CCDC34: variants seen among roughly 807,000 people sequenced by gnomAD.
CCDC34 encodes the protein coiled-coil domain containing 34.
A neutral mutation model predicts 44.1 loss-of-function variants in CCDC34; 40 were observed. That is an observed-to-expected ratio of 0.91 (90% CI 0.70 to 1.18). CCDC34 has a LOEUF of 1.18. CCDC34 is among the 50% of genes most tolerant of loss of function. CCDC34 has a pLI of 0.00. For synonymous variants in CCDC34, 159 were observed against 158.2 expected (o/e 1.01, Z -0.04); for missense variants, 466 against 452.3 (o/e 1.03, Z -0.28).
At chr11:27,359,634 G>A (rs922343481) in intron 1 of CCDC34, among the ~76,000 whole-genome samples, 5 of 151,602 alleles carry the variant, frequency 3.3e-5, no homozygotes, top group Non-Finnish European at 7.4e-5. Flanking sequence ...GATTAGAGAC[G>A]CCCGCCACTA....
chr11:27,339,828 C>G (rs927413137), intron 5 of CCDC34, among the ~76,000 whole-genome samples: 6 of 151,956 alleles, frequency 3.9e-5, no homozygotes, highest in African/African-American at 1.2e-4. Context: ...ATTATTTTAG[C>G]AGTTAACTTC....
chr11:27,341,257 G>A (rs552478428), intron 4 of CCDC34, 135 bp downstream of exon 4: 142 of 549,398 alleles, frequency 2.6e-4, no homozygotes, highest in Non-Finnish European at 1.4e-4. Flanking sequence ...TAAACACAGC[G>A]TAACAGGATA....
rs371101936 is a variant in CCDC34, at chr11:27,346,161, A to G, written c.606+4171T>C. On this transcript the variant is annotated intron_variant, in intron 3 of 5. Coordinates refer to ENST00000328697, the MANE Select transcript of CCDC34 (RefSeq NM_030771.2). The stretch of plus-strand genomic sequence containing the variant: ...TGCTTCTTCTTGTTAGTGAAAAAAA[A>G]AATACCATTAAGAAAAATTAAATGG... Among the ~76,000 whole-genome samples, 3 of 152,230 alleles carry G rather than the reference A, an allele frequency of 2.0e-5. No homozygotes were observed. In the East Asian group the frequency reaches 5.8e-4, roughly 29 times the overall value.
Position 27,362,908 on chromosome 11 carries a change from AC to A in CCDC34, c.286del (p.Val96TrpfsTer15), listed in dbSNP as rs1862689447. The A allele has an allele frequency of 6.3e-7, 1 of 1,591,998 alleles. No individual in the cohort carries two copies. The highest frequency in any genetic ancestry group is 8.5e-7 in the Non-Finnish European group (1 of 1,175,040). On this transcript the variant is annotated frameshift_variant, in exon 1 of 6. Coordinates refer to ENST00000328697, the MANE Select transcript of CCDC34 (RefSeq NM_030771.2). LOFTEE classifies it high-confidence loss of function. ...DEEDVDDEED[V>X]DEDAHDSEAK... is the part of the protein sequence containing the mutation. ...CTCTGAATCATGGGCATCTTCATCC[AC>A]GTCTTCCTCATCATCCACGTCTTCC... is the stretch of plus-strand genomic sequence containing the variant.
In CCDC34 at chr11:27,339,005, G is replaced by A. The variant is rs1245772256; in HGVS notation, c.938C>T (p.Pro313Leu). 1.9e-6 allele frequency: 3 copies of A among 1,611,860 alleles called. No homozygotes were observed. Among genetic ancestry groups the A allele is most frequent in the South Asian group, 2.2e-5 (2 of 90,430 alleles). ...GFYSGNSYPE[P>L]AFYNPIPWKP... is the part of the protein sequence containing the mutation. Reference sequence around the variant, plus strand: ...CCACGGAATTGGATTATAAAAGGCTGGTTCTGGATAGGAATTTCCACTGTA... The same window carrying A: ...CCACGGAATTGGATTATAAAAGGCTAGTTCTGGATAGGAATTTCCACTGTA... The change falls in exon 6 of 6, where the codon CCA becomes CTA. Residue 313 changes from proline to leucine, a missense_variant. Transcript: ENST00000328697.
chr11:27,358,969 C>CA (rs1491017002), intron 1 of CCDC34, among the ~76,000 whole-genome samples: 4 of 146,764 alleles, frequency 2.7e-5, no homozygotes, highest in East Asian at 4.2e-4. Context: ...CCCCCCCCCC[C>CA]CACCGCCACC....
At position 27,343,256 on chromosome 11, in the gene CCDC34, G is replaced by C. The variant is rs529522900; in HGVS notation, c.607-1706C>G. On this transcript the variant is annotated intron_variant, in intron 3 of 5. Transcript: ENST00000328697. The stretch of plus-strand genomic sequence containing the variant: ...TCTCTACTAAAAATACAAAAAATTA[G>C]TTGGGCGTGGTGGCATACGCCTGTA... 2.6e-5 allele frequency among the ~76,000 whole-genome samples: 4 copies of C among 152,244 alleles called. No individual in the cohort carries two copies. The South Asian group carries it at 8.3e-4, about 32-fold the overall frequency.
At chr11:27,344,686 CAT>C (rs1422737000) in intron 3 of CCDC34, among the ~76,000 whole-genome samples, 3 of 151,830 alleles carry the variant, frequency 2.0e-5, no homozygotes, top group Non-Finnish European at 4.4e-5. Flanking sequence ...TTAAAGAAGA[CAT>C]AAATAACTGG....
rs564783314 is a variant in CCDC34 at position 27,342,983 on chromosome 11, A to G, written c.607-1433T>C. Among the ~76,000 whole-genome samples, 25 of 152,330 alleles carry G rather than the reference A, an allele frequency of 1.6e-4. 1 individual carries two copies. In the South Asian group the frequency reaches 5.2e-3, roughly 32 times the overall value. ...CAAATAATTATGAGCCAAGAAAAGA[A>G]ATTCTTCCCTTGAAAGCAGCTTATA... On this transcript the variant is annotated intron_variant, in intron 3 of 5. Coordinates refer to ENST00000328697, the MANE Select transcript of CCDC34 (RefSeq NM_030771.2).
chr11:27,350,832 T>G (rs981550836), intron 2 of CCDC34, among the ~76,000 whole-genome samples: 22 of 152,108 alleles, frequency 1.4e-4, no homozygotes, highest in African/African-American at 5.1e-4. Context: ...CTGATGAAGA[T>G]AAAGCATAGA....
chr11:27,358,273 A>G (rs1195042779), intron 1 of CCDC34, among the ~76,000 whole-genome samples: 2 of 152,218 alleles, frequency 1.3e-5, no homozygotes, highest in Admixed American at 1.3e-4. Context: ...GGGGCAGGGA[A>G]ATAAGTATAT....
At position 27,348,828 on chromosome 11, in the gene CCDC34, T is replaced by C; in HGVS notation, c.606+1504A>G. 3 of 813,966 alleles carry C rather than the reference T, an allele frequency of 3.7e-6. No individual in the cohort carries two copies. In the South Asian group the frequency reaches 1.7e-4, roughly 46 times the overall value. 50.4% of individuals were successfully genotyped at this position (813,966 alleles called of 1,614,324 possible). A position where few individuals can be genotyped will look rare whatever the true frequency, so the allele number is the denominator to read the frequency against. The stretch of plus-strand genomic sequence containing the variant: ...GAAAAAAAAAAAAAAAAAAGAATAA[T>C]CAATTATTCCTTAACATGAACAAGA... On this transcript the variant is annotated intron_variant, in intron 3 of 5. Transcript: ENST00000328697.
intron 3 of CCDC34, among the ~76,000 whole-genome samples, chr11:27,345,611 G>C (rs1244369413): frequency 1.3e-5 from 2 of 152,086 alleles, no homozygotes; most frequent in African/African-American, 4.8e-5. Context: ...CAAAGGACAT[G>C]AACTCATCAT....
rs769717642 is a variant in CCDC34, at chr11:27,340,749, T to G, written c.854A>C (p.His285Pro). 1 of 1,614,040 alleles carries G rather than the reference T, an allele frequency of 6.2e-7. No individual in the cohort carries two copies. Among genetic ancestry groups the G allele is most frequent in the Non-Finnish European group, 8.5e-7 (1 of 1,179,940 alleles). Reference protein sequence around the residue: ...KFQEWLENAKHKPRPAAKSYG... With the variant: ...KFQEWLENAKPKPRPAAKSYG... ...GCTCTTTGCAGCTGGACGAGGTTTATGTTTCGCATTTTCCAACCATTCTTG... is the reference window on the plus strand; with the variant it reads ...GCTCTTTGCAGCTGGACGAGGTTTAGGTTTCGCATTTTCCAACCATTCTTG... The change falls in exon 5 of 6, where the codon CAT becomes CCT. Residue 285 changes from histidine (H) to proline (P), a missense_variant. Physicochemically the swap from His to Pro is moderately conservative, Grantham distance 77 (BLOSUM62 -2). Transcript: ENST00000328697.
At chr11:27,354,538 C>A (rs1413066709) in intron 2 of CCDC34, among the ~76,000 whole-genome samples, 3 of 152,018 alleles carry the variant, frequency 2.0e-5, no homozygotes, top group Non-Finnish European at 4.4e-5. Flanking sequence ...TGCCCAAAGT[C>A]CAAATTTTGA....
chr11:27,362,616 A>C (rs1050253608), intron 1 of CCDC34, among the ~76,000 whole-genome samples: 7 of 152,170 alleles, frequency 4.6e-5, no homozygotes, highest in African/African-American at 1.4e-4. Flanking sequence ...CAGCAATCAT[A>C]ATATCTCAGG....
At chr11:27,349,145 G>A in intron 3 of CCDC34, 1 of 980,942 alleles carries the variant, frequency 1.0e-6, no homozygotes, top group Non-Finnish European at 1.2e-6. Flanking sequence ...GACTTTTAGA[G>A]GAAAGAGCAA....
chr11:27,354,798 G>T (rs1340071048), intron 2 of CCDC34, among the ~76,000 whole-genome samples: 2 of 151,758 alleles, frequency 1.3e-5, no homozygotes, highest in African/African-American at 2.4e-5. Flanking sequence ...GGTCAAAGCT[G>T]CAGTGAGCTG....
intron 2 of CCDC34, among the ~76,000 whole-genome samples, 162 bp downstream of exon 2, chr11:27,357,241 T>C (rs1862591246): frequency 6.6e-6 from 1 of 152,208 alleles, no homozygotes; most frequent in African/African-American, 2.4e-5. Flanking sequence ...ATGAACATAT[T>C]TCTATTATTA....
Sources: gnomAD v4.1 joint callset for allele counts (sites outside exome capture counted in the v4.1 genomes callset) on GRCh38, gnomAD v4.1.1 for gene constraint, MANE v1.5 for transcripts, NCBI Gene and HGNC (gene_info 2026-07-23, HGNC 2026-07-21) for gene names.